The following EML6 variants were observed in gnomAD, a reference collection of about 807,000 sequenced individuals.
EML6 encodes EMAP like 6.
A neutral mutation model predicts 240.1 loss-of-function variants in EML6; 154 were observed. The ratio of observed to expected loss-of-function variants is 0.64; its 90% CI spans 0.56 to 0.73. The LOEUF is 0.73. Among genes scored for constraint, EML6 ranks in the 30% least tolerant of loss-of-function variants. The probability of loss-of-function intolerance (pLI) is 0.00; values close to 1 mark genes in which losing one functional copy is unlikely to be tolerated. For synonymous variants in EML6, 1,148 were observed against 899.0 expected, an observed-to-expected ratio of 1.28 and a Z score of -4.95; for missense variants, 2,964 against 2,474.6, an observed-to-expected ratio of 1.20 and a Z score of -4.20.
chr2:54,885,939 C>T (rs1247497873), intron 17 of EML6, among the ~76,000 whole-genome samples: 2 of 152,008 alleles, frequency 1.3e-5, no homozygotes, highest in Non-Finnish European at 2.9e-5. Flanking sequence ...GAGTCAGAGC[C>T]CCAAAATTCC....
At chr2:54,878,714 T>C (rs754771983) in intron 16 of EML6, among the ~76,000 whole-genome samples, 4 of 152,180 alleles carry the variant, frequency 2.6e-5, no homozygotes, top group South Asian at 2.1e-4. Context: ...TAAGCAGTTA[T>C]ACATAGGGAT....
intron 7 of EML6, among the ~76,000 whole-genome samples, chr2:54,836,109 C>A (rs534782498): frequency 1.3e-5 from 2 of 152,292 alleles, no homozygotes; most frequent in African/African-American, 4.8e-5. Context: ...AAGAACACTG[C>A]AGAGGCCCGA....
At chr2:54,846,365 T>C (rs1210018575) in intron 8 of EML6, among the ~76,000 whole-genome samples, 1 of 151,982 alleles carries the variant, frequency 6.6e-6, no homozygotes, top group East Asian at 1.9e-4. Context: ...TATAATTATA[T>C]TGATTATGTA....
intron 7 of EML6, among the ~76,000 whole-genome samples, chr2:54,830,466 G>A (rs1668813424): frequency 6.6e-6 from 1 of 152,182 alleles, no homozygotes; most frequent in Non-Finnish European, 1.5e-5. Context: ...ATCTTTTAGA[G>A]AAGACCCTGT....
chr2:54,940,955 A>G (rs1478338667), intron 28 of EML6, among the ~76,000 whole-genome samples: 1 of 152,220 alleles, frequency 6.6e-6, no homozygotes, highest in Non-Finnish European at 1.5e-5. Flanking sequence ...TTTACAATGA[A>G]ACAAAGAACA....
At chr2:54,866,016 T>C (rs6545452) in intron 13 of EML6, among the ~76,000 whole-genome samples, 1 of 152,102 alleles carries the variant, frequency 6.6e-6, no homozygotes, top group Admixed American at 6.5e-5. Context: ...CTTGGTTAAT[T>C]GCATCTGTAG....
intron 26 of EML6, among the ~76,000 whole-genome samples, chr2:54,926,376 A>G (rs1674547324): frequency 6.6e-6 from 1 of 152,260 alleles, no homozygotes; most frequent in Admixed American, 6.5e-5. Context: ...TGCTGGGATT[A>G]CAGGCATGAA....
intron 19 of EML6, among the ~76,000 whole-genome samples, chr2:54,893,398 A>G (rs76866018): frequency 0.013 from 2,018 of 152,274 alleles, 38 homozygotes; most frequent in South Asian, 0.081. Flanking sequence ...TGAAGGGCCA[A>G]TAAGAGTGGG....
In EML6 at chr2:54,902,078, A is replaced by G. The variant is rs146504914; in HGVS notation, c.3125-966A>G. 7.7e-4 allele frequency among the ~76,000 whole-genome samples: 117 copies of G among 152,348 alleles called. 2 individuals carry two copies. The highest frequency in any genetic ancestry group is 2.7e-3 in the African/African-American group (114 of 41,582). On this transcript the variant is annotated intron_variant, in intron 22 of 41. Transcript: ENST00000356458. ...CAACATCTTTCACCTCTAGAGTTAT[A>G]CATTACAATCCGTGGATCAGAGAAT...
intron 7 of EML6, among the ~76,000 whole-genome samples, chr2:54,836,397 C>T (rs770826266): frequency 6.6e-6 from 1 of 152,134 alleles, no homozygotes; most frequent in Non-Finnish European, 1.5e-5. Flanking sequence ...TTGGATCCTG[C>T]GGAGTGGGTT....
intron 17 of EML6, among the ~76,000 whole-genome samples, chr2:54,889,542 T>C (rs1444007353): frequency 2.6e-5 from 4 of 151,560 alleles, no homozygotes; most frequent in Admixed American, 6.6e-5. Context: ...GCCTTGTTAT[T>C]TTTATTGTTT....
At chr2:54,811,324 T>A (rs1303837038) in intron 2 of EML6, among the ~76,000 whole-genome samples, 4 of 152,230 alleles carry the variant, frequency 2.6e-5, no homozygotes, top group Admixed American at 1.3e-4. Flanking sequence ...CCTGCCTGCC[T>A]GACCCATCTC....
intron 17 of EML6, chr2:54,880,821 GAT>G (rs1671772416): frequency 6.6e-6 from 1 of 152,146 alleles, no homozygotes; most frequent in Admixed American, 6.5e-5. Flanking sequence ...TGCCTTTACA[GAT>G]AATTTCAGGG....
chr2:54,888,946 T>G lies in EML6; in HGVS notation c.2439-2108T>G, dbSNP rs941871696. On this transcript the variant is annotated intron_variant, in intron 17 of 41. Coordinates refer to ENST00000356458, the MANE Select transcript of EML6 (RefSeq NM_001039753.4). ...TTGTGAGAAATTGCCAAACTGTCTT[T>G]CAAAATAGCTGTATCATTTTGCATT... Among the ~76,000 whole-genome samples the G allele has an allele frequency of 1.1e-4, 17 of 152,334 alleles. No homozygotes were observed. In the South Asian group the frequency reaches 1.4e-3, roughly 13 times the overall value.
At position 54,856,756 on chromosome 2, in the gene EML6, TC is replaced by T. The variant is rs561322972; in HGVS notation, c.1658-2777del. On this transcript the variant is annotated intron_variant, in intron 11 of 41. Transcript: ENST00000356458. ...CCACTACTAGAAATCAGAGTCGTCT[TC>T]TAAGTGCAATGAAAAACTATGGATG... Among the ~76,000 whole-genome samples, 356 of 152,332 alleles carry T rather than the reference TC, an allele frequency of 2.3e-3. 1 individual carries two copies. The highest frequency in any genetic ancestry group is 4.7e-3 in the African/African-American group (197 of 41,572).
intron 16 of EML6, among the ~76,000 whole-genome samples, chr2:54,876,367 C>G (rs1288422925): frequency 6.6e-6 from 1 of 152,154 alleles, no homozygotes; most frequent in Non-Finnish European, 1.5e-5. Context: ...TGTTGAGGCA[C>G]CTCTGGGTTT....
intron 13 of EML6, among the ~76,000 whole-genome samples, chr2:54,865,722 A>G (rs951402962): frequency 6.6e-6 from 1 of 152,208 alleles, no homozygotes; most frequent in East Asian, 1.9e-4. Flanking sequence ...CTGATCCCAA[A>G]CATTTCAGAT....
chr2:54,822,434 T>C (rs1463519879), intron 5 of EML6, among the ~76,000 whole-genome samples: 1 of 152,210 alleles, frequency 6.6e-6, no homozygotes, highest in Non-Finnish European at 1.5e-5. Flanking sequence ...GCTGACTCAT[T>C]GCTGAGTAAC....
At chr2:54,894,203 G>C (rs1468526659) in intron 19 of EML6, among the ~76,000 whole-genome samples, 1 of 109,268 alleles carries the variant, frequency 9.2e-6, no homozygotes, top group Admixed American at 9.1e-5. Flanking sequence ...TTTTTTCTTA[G>C]AAAAAAAAAA....
Sources: allele counts gnomAD v4.1 joint callset (sites outside exome capture counted in the v4.1 genomes callset), GRCh38; gene constraint gnomAD v4.1.1; transcripts MANE v1.5; gene names NCBI Gene and HGNC (gene_info 2026-07-23, HGNC 2026-07-21).